Variants in GPC3 observed in about 807,000 individuals in gnomAD.
The protein encoded by GPC3 is glypican 3, also known as glypican-3.
In GPC3, 3 loss-of-function variants were observed where a neutral mutation model predicts 34.4. The ratio of observed to expected loss-of-function variants is 0.09; its 90% CI spans 0.04 to 0.23. The LOEUF is 0.23. GPC3 is among the 10% of genes least tolerant of loss of function. The pLI, the probability that GPC3 is intolerant of heterozygous loss-of-function variation, is 1.00. For synonymous variants in GPC3, 177 were observed against 174.0 expected (o/e 1.02, Z -0.13); for missense variants, 351 against 445.6 (o/e 0.79, Z 1.91).
rs774040985 is a variant in GPC3, at chrX:133,968,262, G to A, written c.176-15051C>T. ...CGTGGGGACCACTCCATACATGGCC[G>A]TCGTCTGTCTACATGTCTGCTTCTC... On this transcript the variant is annotated intron_variant, in intron 1 of 7. Transcript: ENST00000370818. Among the ~76,000 whole-genome samples, 5 of 112,485 alleles carry A rather than the reference G, an allele frequency of 4.4e-5. No individual in the cohort carries two copies. In the South Asian group the frequency reaches 1.5e-3, roughly 33 times the overall value.
At chrX:133,598,963 G>T (rs2069951138) in intron 6 of GPC3, among the ~76,000 whole-genome samples, 1 of 112,210 alleles carries the variant, frequency 8.9e-6, no homozygotes. Context: ...GCAGATAAAA[G>T]TTTAAAACAA....
chrX:133,978,784 G>A (rs756648099), intron 1 of GPC3, among the ~76,000 whole-genome samples: 8 of 111,824 alleles, frequency 7.2e-5, no homozygotes, highest in Non-Finnish European at 1.3e-4. Context: ...CTAGACACTG[G>A]GATACAAAGA....
At chrX:133,842,279 T>C (rs2075828701) in intron 2 of GPC3, among the ~76,000 whole-genome samples, 1 of 108,347 alleles carries the variant, frequency 9.2e-6, no homozygotes, top group Non-Finnish European at 1.9e-5. Flanking sequence ...GATTGTGCCA[T>C]TGCACTCCAG....
At chrX:133,569,332 C>T (rs1161975077) in intron 7 of GPC3, among the ~76,000 whole-genome samples, 4 of 111,846 alleles carry the variant, frequency 3.6e-5, no homozygotes, top group South Asian at 3.8e-4. Flanking sequence ...GCTGCTATGT[C>T]CCTGCCCTCT....
At chrX:133,908,269 G>GT (rs1406474551) in intron 2 of GPC3, among the ~76,000 whole-genome samples, 4 of 111,333 alleles carry the variant, frequency 3.6e-5, no homozygotes, top group African/African-American at 1.3e-4. Flanking sequence ...TCATTTTTAC[G>GT]TAAGGCCCTC....
chrX:133,958,737 C>A lies in GPC3; in HGVS notation c.176-5526G>T, dbSNP rs866771658. ...AAAAAAAAAAAACAAAAAAAAAAAACAGCCAGGCAATGATGGCACACACCT... is the reference window on the plus strand; with the variant it reads ...AAAAAAAAAAAACAAAAAAAAAAAAAAGCCAGGCAATGATGGCACACACCT... On this transcript the variant is annotated intron_variant, in intron 1 of 7. Transcript: ENST00000370818. 9.7e-3 allele frequency among the ~76,000 whole-genome samples: 845 copies of A among 87,439 alleles called. 16 individuals carry two copies. The highest frequency in any genetic ancestry group is 0.034 in the African/African-American group (803 of 23,394). 75.9% of individuals were successfully genotyped at this position (87,439 alleles called of 115,157 possible).
At chrX:133,876,451 T>C (rs1202661009) in intron 2 of GPC3, among the ~76,000 whole-genome samples, 2 of 112,064 alleles carry the variant, frequency 1.8e-5, no homozygotes, top group East Asian at 5.6e-4. Flanking sequence ...GATAAAGTGT[T>C]ATCTTGGCTT....
chrX:133,757,512 T>C (rs1026164515), intron 2 of GPC3, among the ~76,000 whole-genome samples: 3 of 111,808 alleles, frequency 2.7e-5, no homozygotes, highest in Non-Finnish European at 5.6e-5. Flanking sequence ...TGTTCCTGTA[T>C]TCAGACTCAG....
chrX:133,890,656 G>A (rs749499998), intron 2 of GPC3, among the ~76,000 whole-genome samples: 158 of 109,912 alleles, frequency 1.4e-3, no homozygotes, highest in African/African-American at 4.8e-3. Flanking sequence ...TCAGGAGTTC[G>A]AGACCAGACT....
intron 7 of GPC3, among the ~76,000 whole-genome samples, chrX:133,548,753 G>A (rs1176822769): frequency 1.8e-5 from 2 of 111,184 alleles, no homozygotes; most frequent in Non-Finnish European, 1.9e-5. Flanking sequence ...ATTGAATCAC[G>A]GGGGCAGGTC....
intron 3 of GPC3, among the ~76,000 whole-genome samples, chrX:133,709,519 T>C (rs2071248428): frequency 8.9e-6 from 1 of 112,392 alleles, no homozygotes; most frequent in Non-Finnish European, 1.9e-5. Context: ...ATATATACAT[T>C]GAAATTATGT....
intron 1 of GPC3, among the ~76,000 whole-genome samples, chrX:133,973,672 A>T (rs1361087759): frequency 8.9e-6 from 1 of 112,559 alleles, no homozygotes; most frequent in Non-Finnish European, 1.9e-5. Flanking sequence ...ACATCTCCAT[A>T]GACACTTATG....
intron 6 of GPC3, among the ~76,000 whole-genome samples, chrX:133,613,774 C>T (rs892050476): frequency 4.5e-5 from 5 of 111,824 alleles, no homozygotes; most frequent in African/African-American, 1.6e-4. Context: ...CCTGAGGAAG[C>T]ACAGACATTG....
intron 3 of GPC3, among the ~76,000 whole-genome samples, chrX:133,742,451 T>C (rs2071572127): frequency 9.0e-6 from 1 of 111,669 alleles, no homozygotes; most frequent in Admixed American, 9.5e-5. Flanking sequence ...GCTGAGATGA[T>C]TTCTAAGCCA....
chrX:133,882,097 G>A (rs924949480), intron 2 of GPC3, among the ~76,000 whole-genome samples: 2 of 112,052 alleles, frequency 1.8e-5, no homozygotes, highest in African/African-American at 6.5e-5. Context: ...AGTCCTTAAA[G>A]CACTCTGGGC....
At chrX:133,626,920 G>A (rs1390097389) in intron 6 of GPC3, among the ~76,000 whole-genome samples, 1 of 108,159 alleles carries the variant, frequency 9.2e-6, no homozygotes, top group African/African-American at 3.4e-5. Context: ...CAACCCAAAT[G>A]TCCAACAATG....
intron 2 of GPC3, among the ~76,000 whole-genome samples, chrX:133,770,215 T>C (rs755726732): frequency 9.0e-6 from 1 of 110,833 alleles, no homozygotes; most frequent in East Asian, 2.9e-4. Flanking sequence ...AGGTCGAGGC[T>C]GCAGTGAGCC....
chrX:133,859,848 A>C, intron 2 of GPC3, among the ~76,000 whole-genome samples: 1 of 111,870 alleles, frequency 8.9e-6, no homozygotes, highest in East Asian at 2.8e-4. Flanking sequence ...GTGGTTCTGC[A>C]GGCTGTACAA....
intron 2 of GPC3, among the ~76,000 whole-genome samples, chrX:133,808,558 T>A (rs940222351): frequency 9.0e-6 from 1 of 111,545 alleles, no homozygotes; most frequent in Non-Finnish European, 1.9e-5. Context: ...GACCCAGAAT[T>A]ATTCACATTT....
Sources: gnomAD v4.1 joint callset for allele counts (sites outside exome capture counted in the v4.1 genomes callset) on GRCh38, gnomAD v4.1.1 for gene constraint, MANE v1.5 for transcripts, NCBI Gene and HGNC (gene_info 2026-07-23, HGNC 2026-07-21) for gene names.